The following SLC7A1 variants were observed in gnomAD, a reference collection of about 807,000 sequenced individuals.
The protein encoded by SLC7A1 is high affinity cationic amino acid transporter 1.
Under a neutral mutation model 53.9 loss-of-function variants are expected in SLC7A1, and 10 were observed. That is an observed-to-expected ratio of 0.19 (90% CI 0.11 to 0.31). The LOEUF (loss-of-function observed/expected upper bound fraction) is 0.31. Ranked by LOEUF, SLC7A1 falls within the 10% of genes least tolerant of loss-of-function variation. The pLI is 1.00. For synonymous variants in SLC7A1, 342 were observed against 338.7 expected (o/e 1.01, Z -0.11); for missense variants, 525 against 827.2 (o/e 0.63, Z 4.48).
In SLC7A1 at chr13:29,595,610, C is replaced by G. The variant is rs1415337146; in HGVS notation, c.-309G>C. 1 of 151,528 alleles carries G rather than the reference C, an allele frequency of 6.6e-6. No homozygotes were observed. Among genetic ancestry groups the G allele is most frequent in the Non-Finnish European group, 1.5e-5 (1 of 68,010 alleles). The allele number at this position is 151,528 out of a possible 1,614,324, so 9.4% of individuals were successfully genotyped here. A position where few individuals can be genotyped will look rare whatever the true frequency, so the allele number is the denominator to read the frequency against. ...GTGCGCGCCTGCCAGGTAGTTGACC[C>G]GCTGCTCACACCTGCCTGCGCGGAC... On this transcript the variant is annotated 5_prime_UTR_variant, in exon 1 of 13. Coordinates refer to ENST00000380752, the MANE Select transcript of SLC7A1 (RefSeq NM_003045.5).
chr13:29,571,332 C>T (rs1463257520), intron 1 of SLC7A1, among the ~76,000 whole-genome samples: 1 of 152,140 alleles, frequency 6.6e-6, no homozygotes, highest in Non-Finnish European at 1.5e-5. Flanking sequence ...CAAACATAAA[C>T]AAAATGGGAA....
At chr13:29,568,933 C>T (rs1471780740) in intron 1 of SLC7A1, among the ~76,000 whole-genome samples, 4 of 152,082 alleles carry the variant, frequency 2.6e-5, no homozygotes, top group African/African-American at 7.2e-5. Context: ...TCTAAGCAAG[C>T]GAAGGAAGAT....
intron 2 of SLC7A1, among the ~76,000 whole-genome samples, chr13:29,544,020 T>C (rs1157517697): frequency 6.6e-6 from 1 of 152,094 alleles, no homozygotes; most frequent in Non-Finnish European, 1.5e-5. Context: ...GACCACAGCA[T>C]CGGGCCTCAG....
At chr13:29,553,989 A>G (rs1870318000) in intron 1 of SLC7A1, 129 bp from the exon 2 acceptor site, 1 of 152,096 alleles carries the variant, frequency 6.6e-6, no homozygotes, top group Admixed American at 6.5e-5. Flanking sequence ...CTTAACAGCA[A>G]CTGAAGACAG....
chr13:29,531,991 TA>T (rs1272922264), intron 4 of SLC7A1, among the ~76,000 whole-genome samples: 4 of 152,246 alleles, frequency 2.6e-5, no homozygotes, highest in African/African-American at 9.6e-5. Flanking sequence ...CTCTCAGGTT[TA>T]TTAAAATGAA....
rs1325213928 is a variant in SLC7A1 at position 29,522,299 on chromosome 13, A to G, written c.1189+18T>C. 1 of 1,613,718 alleles carries G rather than the reference A, an allele frequency of 6.2e-7. No individual in the cohort carries two copies. The highest frequency in any genetic ancestry group is 1.1e-5 in the South Asian group (1 of 91,080). On this transcript the variant is annotated intron_variant, in intron 8 of 12. Coordinates refer to ENST00000380752, the MANE Select transcript of SLC7A1 (RefSeq NM_003045.5). ...CATTGTTAAAACATTTCCATGTGAA[A>G]TGAGTTCTAGTACTCACCAGCAACG...
At chr13:29,546,104 A>G (rs17661173) in intron 2 of SLC7A1, among the ~76,000 whole-genome samples, 2,356 of 152,322 alleles carry the variant, frequency 0.015, 27 homozygotes, top group Middle Eastern at 0.034. Context: ...CAGCATGGAA[A>G]GAAAACATCA....
chr13:29,570,763 G>A (rs560654920), intron 1 of SLC7A1, among the ~76,000 whole-genome samples: 2 of 151,972 alleles, frequency 1.3e-5, no homozygotes, highest in South Asian at 4.2e-4. Flanking sequence ...AGGCTGAGAC[G>A]GGAGGATCAC....
chr13:29,569,962 C>T (rs570562533), intron 1 of SLC7A1, among the ~76,000 whole-genome samples: 71 of 152,304 alleles, frequency 4.7e-4, no homozygotes, highest in African/African-American at 1.6e-3. Context: ...TGGCCACAGA[C>T]GTCCTGGTCA....
At position 29,536,137 on chromosome 13, in the gene SLC7A1, C is replaced by T; in HGVS notation, c.52G>A (p.Val18Met). The part of the protein sequence containing the change: ...NIGQQMLRRK[V>M]VDCSREETRL... Reference sequence around the variant, plus strand: ...GTCTCCTCCCGGCTACAGTCCACCACCTTCCGCCGCAGCATCTGCTGCCCA... The same window carrying T: ...GTCTCCTCCCGGCTACAGTCCACCATCTTCCGCCGCAGCATCTGCTGCCCA... Residue 18 changes from valine (V) to methionine (M), a missense_variant, in exon 3 of 13, where the codon GTG (valine) becomes ATG (methionine). Transcript: ENST00000380752. 6.2e-7 allele frequency: 1 copy of T among 1,614,030 alleles called. No individual in the cohort carries two copies. The highest frequency in any genetic ancestry group is 8.5e-7 in the Non-Finnish European group (1 of 1,180,028).
At position 29,526,514 on chromosome 13, in the gene SLC7A1, AAAAT is replaced by A. The variant is rs943566621; in HGVS notation, c.705-2265_705-2262del. Among the ~76,000 whole-genome samples the A allele has an allele frequency of 3.6e-3, 548 of 152,310 alleles. 4 individuals carry two copies. The highest frequency in any genetic ancestry group is 0.012 in the African/African-American group (516 of 41,562). On this transcript the variant is annotated intron_variant, in intron 5 of 12. Transcript: ENST00000380752. ...CTCTAAAATAATTTTTAAAAATTAA[AAAAT>A]AAATAAATAAATGAATGCTATCATG...
intron 1 of SLC7A1, among the ~76,000 whole-genome samples, chr13:29,567,055 A>G (rs1870997101): frequency 6.6e-6 from 1 of 152,194 alleles, no homozygotes; most frequent in Non-Finnish European, 1.5e-5. Context: ...CTGCTTTGAG[A>G]GTTTCACGAG....
At chr13:29,576,293 T>TTAAAAAAAAAAA (rs552407983) in intron 1 of SLC7A1, among the ~76,000 whole-genome samples, 1 of 124,954 alleles carries the variant, frequency 8.0e-6, no homozygotes, top group African/African-American at 3.7e-5. Context: ...TCCTGTTTTT[T>TTAAAAAAAAAAA]AAAAAAAAAA....
intron 5 of SLC7A1, among the ~76,000 whole-genome samples, chr13:29,525,817 G>C (rs1218938972): frequency 6.6e-6 from 1 of 152,188 alleles, no homozygotes; most frequent in Non-Finnish European, 1.5e-5. Flanking sequence ...ACTAAAACTA[G>C]CAACCCAAGT....
intron 2 of SLC7A1, among the ~76,000 whole-genome samples, chr13:29,552,438 G>T (rs1370214610): frequency 6.6e-6 from 1 of 152,036 alleles, no homozygotes; most frequent in African/African-American, 2.4e-5. Flanking sequence ...TTGGGAACAG[G>T]CCCCCAAATC....
At chr13:29,594,536 C>G (rs1318710602) in intron 1 of SLC7A1, among the ~76,000 whole-genome samples, 4 of 152,252 alleles carry the variant, frequency 2.6e-5, no homozygotes, top group Non-Finnish European at 5.9e-5. Flanking sequence ...AGCTGCCGCT[C>G]TGTGTACGCG....
At chr13:29,575,264 T>C (rs965269853) in intron 1 of SLC7A1, among the ~76,000 whole-genome samples, 27 of 152,166 alleles carry the variant, frequency 1.8e-4, no homozygotes, top group African/African-American at 6.5e-4. Flanking sequence ...TATATAAAGG[T>C]ATTATTCTAC....
At chr13:29,527,295 C>T (rs9579386) in intron 5 of SLC7A1, among the ~76,000 whole-genome samples, 10,666 of 152,148 alleles carry the variant, frequency 0.07, 460 homozygotes, top group Middle Eastern at 0.14. Flanking sequence ...AAGAAAGGAA[C>T]GCATTGTAAA....
intron 3 of SLC7A1, among the ~76,000 whole-genome samples, chr13:29,535,226 TAA>T (rs1192415324): frequency 6.6e-6 from 1 of 152,158 alleles, no homozygotes; most frequent in Non-Finnish European, 1.5e-5. Flanking sequence ...GAACATCCCA[TAA>T]AGACACCAAT....
Sources: gnomAD v4.1 joint callset for allele counts (sites outside exome capture counted in the v4.1 genomes callset) on GRCh38, gnomAD v4.1.1 for gene constraint, MANE v1.5 for transcripts, NCBI Gene and HGNC (gene_info 2026-07-23, HGNC 2026-07-21) for gene names.